The following NLGN1 variants were observed in gnomAD, a reference collection of about 807,000 sequenced individuals.
NLGN1 encodes neuroligin-1.
NLGN1 carries 12 observed loss-of-function variants against 65.5 expected under a neutral mutation model. The observed-to-expected ratio is 0.18, with a 90% CI of 0.12 to 0.30. NLGN1 has a LOEUF of 0.30. NLGN1 is among the 10% of genes least tolerant of loss of function. The pLI, the probability that NLGN1 is intolerant of heterozygous loss-of-function variation, is 1.00. For missense variants in NLGN1, 750 were observed against 1,007.1 expected, an observed-to-expected ratio of 0.74 and a Z score of 3.46; for synonymous variants, 350 against 359.5, an observed-to-expected ratio of 0.97 and a Z score of 0.30.
chr3:173,855,609 CAT>C (rs1434767362), intron 4 of NLGN1, among the ~76,000 whole-genome samples: 1 of 152,160 alleles, frequency 6.6e-6, no homozygotes, highest in East Asian at 1.9e-4. Flanking sequence ...AACTGAGAGA[CAT>C]ATCATAAACA....
intron 2 of NLGN1, among the ~76,000 whole-genome samples, chr3:173,453,409 A>G (rs1282124766): frequency 3.3e-5 from 5 of 151,836 alleles, no homozygotes; most frequent in African/African-American, 7.3e-5. Flanking sequence ...TAAAGCAACA[A>G]TGAAGTTGGT....
At chr3:173,500,694 G>T (rs551030949) in intron 2 of NLGN1, among the ~76,000 whole-genome samples, 1 of 152,026 alleles carries the variant, frequency 6.6e-6, no homozygotes, top group African/African-American at 2.4e-5. Flanking sequence ...GACATTTTTT[G>T]GTTGGTAAGC....
At chr3:173,523,341 C>A (rs1458920721) in intron 2 of NLGN1, among the ~76,000 whole-genome samples, 3 of 151,520 alleles carry the variant, frequency 2.0e-5, no homozygotes, top group African/African-American at 7.3e-5. Context: ...AGGCCCATAT[C>A]CAGAAGAGTT....
chr3:173,746,433 T>A (rs1242491679), intron 3 of NLGN1, among the ~76,000 whole-genome samples: 1 of 152,076 alleles, frequency 6.6e-6, no homozygotes, highest in Non-Finnish European at 1.5e-5. Context: ...CACTCCTGAC[T>A]CATCTCCTAA....
At chr3:174,285,733 A>T (rs1441515323) in exon 7 of NLGN1, 1 of 151,470 alleles carries the variant, frequency 6.6e-6, no homozygotes, top group African/African-American at 2.4e-5. Context: ...GAGAATACAG[A>T]CTGGAATAAC....
At chr3:173,847,289 T>C (rs1330523877) in intron 4 of NLGN1, among the ~76,000 whole-genome samples, 2 of 152,200 alleles carry the variant, frequency 1.3e-5, no homozygotes, top group Non-Finnish European at 1.5e-5. Context: ...AGCTTTGTTT[T>C]GCTATTTTTT....
intron 4 of NLGN1, among the ~76,000 whole-genome samples, chr3:174,062,334 G>A (rs779615043): frequency 1.6e-4 from 25 of 152,012 alleles, no homozygotes; most frequent in East Asian, 3.9e-4. Flanking sequence ...GAAGGACTAC[G>A]TATAGTTCTC....
chr3:173,819,985 G>T (rs1719900763), intron 4 of NLGN1, among the ~76,000 whole-genome samples: 1 of 152,030 alleles, frequency 6.6e-6, no homozygotes, highest in South Asian at 2.1e-4. Flanking sequence ...CATGAGGTGA[G>T]GCCTTATCCT....
At chr3:173,829,244 G>T (rs1174522940) in intron 4 of NLGN1, among the ~76,000 whole-genome samples, 1 of 152,110 alleles carries the variant, frequency 6.6e-6, no homozygotes, top group Non-Finnish European at 1.5e-5. Flanking sequence ...ACAGCATCCA[G>T]TTAGGGTAGA....
chr3:173,400,716 C>T (rs1260377661), intron 1 of NLGN1, among the ~76,000 whole-genome samples: 2 of 152,180 alleles, frequency 1.3e-5, no homozygotes, highest in African/African-American at 4.8e-5. Context: ...TAATGGTTGG[C>T]TTTCTCACTG....
rs1728526604 is a variant in NLGN1, at chr3:173,858,876, C to T, written c.646+51044C>T. ...CTGAAAATGATCTTCAAATCATTTA[C>T]TCGTCTCTTCACAACCATGGAAACC... On this transcript the variant is annotated intron_variant, in intron 4 of 6. Coordinates refer to ENST00000457714, the Ensembl canonical transcript of NLGN1. Among the ~76,000 whole-genome samples, 3 of 152,144 alleles carry T rather than the reference C, an allele frequency of 2.0e-5. No individual in the cohort carries two copies. In the South Asian group the frequency reaches 6.2e-4, roughly 32 times the overall value.
At chr3:174,124,072 G>A (rs991888597) in intron 4 of NLGN1, among the ~76,000 whole-genome samples, 9 of 152,036 alleles carry the variant, frequency 5.9e-5, no homozygotes, top group Non-Finnish European at 1.0e-4. Context: ...TTTAAGAAGG[G>A]GAAGAAAGAG....
At chr3:173,882,983 A>G (rs1417873633) in intron 4 of NLGN1, among the ~76,000 whole-genome samples, 1 of 144,312 alleles carries the variant, frequency 6.9e-6, no homozygotes, top group African/African-American at 2.6e-5. Context: ...AATTGGCCTG[A>G]TTTTAATATT....
At chr3:173,837,287 A>C (rs1723813375) in intron 4 of NLGN1, among the ~76,000 whole-genome samples, 1 of 152,146 alleles carries the variant, frequency 6.6e-6, no homozygotes, top group South Asian at 2.1e-4. Flanking sequence ...TTTTTAATAC[A>C]TATAAAATTA....
intron 3 of NLGN1, among the ~76,000 whole-genome samples, chr3:173,763,559 C>G (rs1778320742): frequency 6.6e-6 from 1 of 151,976 alleles, no homozygotes; most frequent in African/African-American, 2.4e-5. Context: ...TTTCCTAGAC[C>G]TGTGAAACTT....
chr3:173,462,530 C>T (rs1723580992), intron 2 of NLGN1, among the ~76,000 whole-genome samples: 1 of 152,062 alleles, frequency 6.6e-6, no homozygotes, highest in African/African-American at 2.4e-5. Context: ...TTGAATTCTT[C>T]ATTTCATTAG....
intron 1 of NLGN1, among the ~76,000 whole-genome samples, chr3:173,409,497 C>T (rs151159771): frequency 4.0e-4 from 61 of 152,234 alleles, no homozygotes; most frequent in African/African-American, 1.1e-3. Flanking sequence ...ATCTAGCATT[C>T]ATCTATCAGT....
chr3:174,193,783 A>C (rs1577299688), intron 4 of NLGN1, among the ~76,000 whole-genome samples: 1 of 152,182 alleles, frequency 6.6e-6, no homozygotes, highest in Non-Finnish European at 1.5e-5. Context: ...CTTGTGTAAG[A>C]TTACATTTTT....
At position 173,792,439 on chromosome 3, in the gene NLGN1, A is replaced by G. The variant is rs1422518998; in HGVS notation, c.494-15241A>G. Among the ~76,000 whole-genome samples the G allele has an allele frequency of 5.3e-5, 8 of 152,266 alleles. 1 individual carries two copies. The highest frequency in any genetic ancestry group is 1.9e-4 in the African/African-American group (8 of 41,564). Reference sequence around the variant, plus strand: ...GCATTTTGGGCCAAAATACAAAGTAATACTCCTTTCTTTTCAATGTGAAAT... The same window carrying G: ...GCATTTTGGGCCAAAATACAAAGTAGTACTCCTTTCTTTTCAATGTGAAAT... On this transcript the variant is annotated intron_variant, in intron 3 of 6. Transcript: ENST00000457714.
Sources: gnomAD v4.1 joint callset for allele counts (sites outside exome capture counted in the v4.1 genomes callset) on GRCh38, gnomAD v4.1.1 for gene constraint, MANE v1.5 for transcripts, NCBI Gene and HGNC (gene_info 2026-07-23, HGNC 2026-07-21) for gene names.